Variants in RSRC1 observed in about 807,000 individuals in gnomAD.
RSRC1 encodes arginine and serine rich coiled-coil 1.
In RSRC1, 39 loss-of-function variants were observed where a neutral mutation model predicts 49.1. That is an observed-to-expected ratio of 0.79 (90% confidence interval 0.61 to 1.04). RSRC1 has a LOEUF of 1.04. Among genes scored for constraint, RSRC1 ranks in the 50% least tolerant of loss-of-function variants. The pLI, the probability that RSRC1 is intolerant of heterozygous loss-of-function variation, is 0.00. For missense variants in RSRC1, 388 were observed against 402.4 expected (o/e 0.96, Z 0.31); for synonymous variants, 143 against 130.8 (o/e 1.09, Z -0.63).
At chr3:158,412,577 A>C (rs190308948) in intron 6 of RSRC1, among the ~76,000 whole-genome samples, 5 of 151,958 alleles carry the variant, frequency 3.3e-5, no homozygotes, top group East Asian at 3.9e-4. Context: ...AGGGGCATTC[A>C]CCTCTCTCAT....
chr3:158,193,962 A>G (rs1559936743), intron 3 of RSRC1, among the ~76,000 whole-genome samples: 1 of 152,028 alleles, frequency 6.6e-6, no homozygotes, highest in Admixed American at 6.6e-5. Flanking sequence ...GTTCATGACT[A>G]TAATCCCAGA....
intron 3 of RSRC1, among the ~76,000 whole-genome samples, chr3:158,193,789 A>G (rs1441255244): frequency 6.6e-6 from 1 of 152,160 alleles, no homozygotes; most frequent in African/African-American, 2.4e-5. Context: ...GTGATGATAA[A>G]ATTTTGATAT....
intron 4 of RSRC1, among the ~76,000 whole-genome samples, chr3:158,224,433 A>G (rs558433850): frequency 6.6e-6 from 1 of 151,988 alleles, no homozygotes; most frequent in African/African-American, 2.4e-5. Flanking sequence ...AATATATTAT[A>G]TAAATGGGAT....
At chr3:158,258,887 G>T (rs1250614976) in intron 4 of RSRC1, among the ~76,000 whole-genome samples, 1 of 151,980 alleles carries the variant, frequency 6.6e-6, no homozygotes, top group African/African-American at 2.4e-5. Context: ...TAGATTTTCT[G>T]CTGGATTCTT....
intron 4 of RSRC1, among the ~76,000 whole-genome samples, chr3:158,257,983 A>G (rs904859609): frequency 6.6e-6 from 1 of 151,984 alleles, no homozygotes; most frequent in African/African-American, 2.4e-5. Context: ...GTCTCTATTG[A>G]TAGCTTATTT....
chr3:158,253,074 T>A (rs1041654518), intron 4 of RSRC1, among the ~76,000 whole-genome samples: 2 of 151,858 alleles, frequency 1.3e-5, no homozygotes, highest in Non-Finnish European at 2.9e-5. Flanking sequence ...TGGCTTCAAA[T>A]TCATTTATTT....
chr3:158,384,364 G>C lies in RSRC1; in HGVS notation c.583+29456G>C, dbSNP rs183727797. ...ATGCTGAAGTAATATAGGCAAGCCA[G>C]TATTAAGCTAACTAACTATAGATTA... On this transcript the variant is annotated intron_variant, in intron 6 of 9. Coordinates refer to ENST00000611884, the MANE Select transcript of RSRC1 (RefSeq NM_001271838.2). Among the ~76,000 whole-genome samples the C allele has an allele frequency of 5.9e-4, 90 of 152,274 alleles. 1 individual carries two copies. The highest frequency in any genetic ancestry group is 6.8e-3 in the Middle Eastern group (2 of 294).
intron 3 of RSRC1, among the ~76,000 whole-genome samples, chr3:158,173,053 G>C (rs1718971329): frequency 1.3e-5 from 2 of 151,920 alleles, no homozygotes; most frequent in African/African-American, 4.8e-5. Flanking sequence ...GATAGTTACT[G>C]ATTTGTATAA....
intron 3 of RSRC1, among the ~76,000 whole-genome samples, chr3:158,173,619 GA>G (rs1165407019): frequency 1.3e-5 from 2 of 151,930 alleles, no homozygotes; most frequent in African/African-American, 4.8e-5. Flanking sequence ...CTACCCAAGA[GA>G]AATGTATGAA....
chr3:158,296,455 A>G (rs112494254), intron 4 of RSRC1, among the ~76,000 whole-genome samples: 2,608 of 151,940 alleles, frequency 0.017, 69 homozygotes, highest in African/African-American at 0.06. Flanking sequence ...GTGTGCATGC[A>G]TGTGCACACA....
At chr3:158,154,845 T>C (rs750714882) in intron 3 of RSRC1, among the ~76,000 whole-genome samples, 27 of 152,202 alleles carry the variant, frequency 1.8e-4, no homozygotes, top group Non-Finnish European at 3.5e-4. Context: ...TTAAATCCTT[T>C]GCCGTGATTT....
At chr3:158,283,098 T>A (rs1357727026) in intron 4 of RSRC1, among the ~76,000 whole-genome samples, 1 of 152,116 alleles carries the variant, frequency 6.6e-6, no homozygotes, top group Non-Finnish European at 1.5e-5. Flanking sequence ...ATACCAAAAT[T>A]AGGAAGATTC....
intron 4 of RSRC1, among the ~76,000 whole-genome samples, chr3:158,224,588 C>G (rs2108301401): frequency 6.6e-6 from 1 of 151,896 alleles, no homozygotes; most frequent in South Asian, 2.1e-4. Flanking sequence ...TAAAGGCTTT[C>G]TCATTTCCTC....
intron 7 of RSRC1, among the ~76,000 whole-genome samples, chr3:158,509,311 A>T (rs1360251706): frequency 1.3e-5 from 2 of 152,190 alleles, no homozygotes; most frequent in East Asian, 1.9e-4. Context: ...TTTAGAAGAT[A>T]TGTAAAGGGC....
At chr3:158,327,447 G>A (rs1015237561) in intron 5 of RSRC1, among the ~76,000 whole-genome samples, 20 of 152,140 alleles carry the variant, frequency 1.3e-4, no homozygotes, top group African/African-American at 4.6e-4. Context: ...GTTCTCATTG[G>A]TTTCAAAGAA....
At chr3:158,215,166 A>G (rs1721884158) in intron 4 of RSRC1, among the ~76,000 whole-genome samples, 1 of 151,864 alleles carries the variant, frequency 6.6e-6, no homozygotes, top group Non-Finnish European at 1.5e-5. Flanking sequence ...TACACATTGT[A>G]TGATATTAAT....
At chr3:158,338,593 A>C (rs1264097037) in intron 5 of RSRC1, among the ~76,000 whole-genome samples, 1 of 152,264 alleles carries the variant, frequency 6.6e-6, no homozygotes, top group Non-Finnish European at 1.5e-5. Context: ...AAGCATGATT[A>C]AAATTAGCTT....
chr3:158,129,331 C>T lies in RSRC1; in HGVS notation c.320+5340C>T, dbSNP rs369339560. ...TTTTTTGAGACTGAGTCTCTATTGC[C>T]GAGACTAGAGTATAGTGACGCAATT... On this transcript the variant is annotated intron_variant, in intron 3 of 9. Coordinates refer to ENST00000611884, the MANE Select transcript of RSRC1 (RefSeq NM_001271838.2). 2.6e-4 allele frequency among the ~76,000 whole-genome samples: 35 copies of T among 135,936 alleles called. No homozygotes were observed. In the East Asian group the frequency reaches 2.8e-3, roughly 11 times the overall value. 89.2% of individuals were successfully genotyped at this position (135,936 alleles called of 152,430 possible). A position where few individuals can be genotyped will look rare whatever the true frequency, so the allele number is the denominator to read the frequency against.
At chr3:158,449,528 T>G (rs1736901539) in intron 6 of RSRC1, among the ~76,000 whole-genome samples, 1 of 152,004 alleles carries the variant, frequency 6.6e-6, no homozygotes, top group Non-Finnish European at 1.5e-5. Flanking sequence ...CCCAATCTTA[T>G]TCCACTGTGG....
Sources: gnomAD v4.1 joint callset for allele counts (sites outside exome capture counted in the v4.1 genomes callset) on GRCh38, gnomAD v4.1.1 for gene constraint, MANE v1.5 for transcripts, NCBI Gene and HGNC (gene_info 2026-07-23, HGNC 2026-07-21) for gene names.